The following IGF1R variants were observed in gnomAD, a reference collection of about 807,000 sequenced individuals.
IGF1R encodes insulin like growth factor 1 receptor, also known as insulin-like growth factor 1 receptor.
IGF1R carries 44 observed loss-of-function variants against 144.6 expected under a neutral mutation model. The observed-to-expected ratio is 0.30, with a 90% confidence interval of 0.24 to 0.39. The LOEUF (loss-of-function observed/expected upper bound fraction) is 0.39, where lower values mean the gene tolerates loss of function less well. Among genes scored for constraint, IGF1R ranks in the 10% least tolerant of loss-of-function variants. IGF1R has a pLI of 1.00. For synonymous variants in IGF1R, 795 were observed against 722.8 expected (o/e 1.10, Z -1.60); for missense variants, 1,355 against 1,833.7 (o/e 0.74, Z 4.77).
chr15:98,871,875 T>C lies in IGF1R; in HGVS notation c.641-19450T>C, dbSNP rs148744261. Among the ~76,000 whole-genome samples the C allele has an allele frequency of 1.6e-4, 24 of 152,326 alleles. No individual in the cohort carries two copies. The East Asian group carries it at 4.6e-3, about 29-fold the overall frequency. Reference sequence around the variant, plus strand: ...GCCAAACCATATCACTGTGTAAAAGTTGAATAAAGTTATTTAGGAGCACAT... The same window carrying C: ...GCCAAACCATATCACTGTGTAAAAGCTGAATAAAGTTATTTAGGAGCACAT... On this transcript the variant is annotated intron_variant, in intron 2 of 20. Coordinates refer to ENST00000650285, the MANE Select transcript of IGF1R (RefSeq NM_000875.5).
At chr15:98,678,415 A>G (rs1176395178) in intron 1 of IGF1R, among the ~76,000 whole-genome samples, 1 of 151,876 alleles carries the variant, frequency 6.6e-6, no homozygotes, top group Non-Finnish European at 1.5e-5. Flanking sequence ...CCTTCTCTGT[A>G]ACAGTTTTTA....
At position 98,957,709 on chromosome 15, in the gene IGF1R, G is replaced by A. The variant is rs534281286; in HGVS notation, c.*267G>A. 3.3e-5 allele frequency: 18 copies of A among 547,670 alleles called. No individual in the cohort carries two copies. Among genetic ancestry groups the A allele is most frequent in the Non-Finnish European group, 5.6e-5 (17 of 305,518 alleles). 33.9% of individuals were successfully genotyped at this position (547,670 alleles called of 1,614,324 possible). ...AGAACCTTAATGACAACACTTAATA[G>A]CAACAGAGCACTTGAGAACCAGTCT... On this transcript the variant is annotated 3_prime_UTR_variant, in exon 21 of 21. Coordinates refer to ENST00000650285, the MANE Select transcript of IGF1R (RefSeq NM_000875.5).
intron 2 of IGF1R, among the ~76,000 whole-genome samples, chr15:98,766,783 T>C (rs1420833500): frequency 6.6e-6 from 1 of 152,248 alleles, no homozygotes; most frequent in Non-Finnish European, 1.5e-5. Context: ...TCAACTGTTT[T>C]GTCATGATCA....
chr15:98,937,786 T>C (rs920411988), intron 17 of IGF1R, among the ~76,000 whole-genome samples: 1 of 152,236 alleles, frequency 6.6e-6, no homozygotes, highest in African/African-American at 2.4e-5. Flanking sequence ...CAATTATAAA[T>C]GACCACTTCA....
At position 98,704,009 on chromosome 15, in the gene IGF1R, G is replaced by A. The variant is rs937537888; in HGVS notation, c.95-3553G>A. Among the ~76,000 whole-genome samples, 2 of 151,994 alleles carry A rather than the reference G, an allele frequency of 1.3e-5. No homozygotes were observed. The highest frequency in any genetic ancestry group is 2.1e-4 in the South Asian group (1 of 4,812). On this transcript the variant is annotated intron_variant, in intron 1 of 20. Coordinates refer to ENST00000650285, the MANE Select transcript of IGF1R (RefSeq NM_000875.5). This position sits in a 1 kb window ranked among gnomAD's most constrained non-coding sequence, Gnocchi z 4.9. ...AATTCCACACCTGACCTCATGTGAC[G>A]GGTCACTTTTCGAAACTCAGGCACA...
chr15:98,811,423 G>A (rs1009762741), intron 2 of IGF1R, among the ~76,000 whole-genome samples: 8 of 150,688 alleles, frequency 5.3e-5, no homozygotes, highest in South Asian at 2.1e-4. Flanking sequence ...CCAGCTGCTC[G>A]GGAGGCTGAG....
Position 98,942,515 on chromosome 15 carries a change from T to G in IGF1R, c.3458-408T>G, listed in dbSNP as rs181283214. On this transcript the variant is annotated intron_variant, in intron 18 of 20. Coordinates refer to ENST00000650285, the MANE Select transcript of IGF1R (RefSeq NM_000875.5). ...CTCACAACTGACTAATTTTTAAAAT[T>G]TTTTATACAGACAGGGTCTTGCTGT... Among the ~76,000 whole-genome samples the G allele has an allele frequency of 2.0e-5, 3 of 152,188 alleles. No homozygotes were observed. The East Asian group carries it at 5.8e-4, about 29-fold the overall frequency.
chr15:98,930,932 C>A (rs2015915502), intron 15 of IGF1R, among the ~76,000 whole-genome samples: 1 of 152,132 alleles, frequency 6.6e-6, no homozygotes, highest in Admixed American at 6.5e-5. Flanking sequence ...TATATCCAGA[C>A]CTTTTGAGTG....
intron 2 of IGF1R, among the ~76,000 whole-genome samples, chr15:98,745,855 T>C (rs1165442944): frequency 6.6e-6 from 1 of 152,260 alleles, no homozygotes; most frequent in Non-Finnish European, 1.5e-5. Flanking sequence ...ATTGGCGTTA[T>C]AAATGCGTGT....
At chr15:98,865,899 A>T (rs2012413949) in intron 2 of IGF1R, among the ~76,000 whole-genome samples, 1 of 152,000 alleles carries the variant, frequency 6.6e-6, no homozygotes, top group Non-Finnish European at 1.5e-5. Context: ...TTGATGGAAA[A>T]TCTGCGGTCC....
intron 2 of IGF1R, among the ~76,000 whole-genome samples, chr15:98,840,055 T>C (rs2011147335): frequency 6.6e-6 from 1 of 152,262 alleles, no homozygotes. Context: ...GACACTGCCC[T>C]TGTGATTAAT....
At chr15:98,794,161 G>A (rs141360133) in intron 2 of IGF1R, among the ~76,000 whole-genome samples, 21 of 152,270 alleles carry the variant, frequency 1.4e-4, no homozygotes, top group African/African-American at 4.8e-4. Flanking sequence ...ACAAGATGTC[G>A]CACATTGAGT....
chr15:98,745,634 A>C (rs571915898), intron 2 of IGF1R, among the ~76,000 whole-genome samples: 8 of 152,364 alleles, frequency 5.3e-5, no homozygotes, highest in African/African-American at 1.9e-4. Context: ...GAGGAATTGA[A>C]GATTTCTTTA....
Position 98,935,752 on chromosome 15 carries a change from G to A in IGF1R, c.3297+326G>A, listed in dbSNP as rs564519810. Among the ~76,000 whole-genome samples the A allele has an allele frequency of 4.0e-5, 6 of 148,228 alleles. No homozygotes were observed. Among genetic ancestry groups the A allele is most frequent in the African/African-American group, 1.2e-4 (5 of 40,112 alleles). ...GCCAGGCCAGCGCCACTCCCTCCCC[G>A]AAGCTTTCCTGCCCCACTCCAGTAG... On this transcript the variant is annotated intron_variant, in intron 17 of 20. Transcript: ENST00000650285. The surrounding 1 kb of genome is among the most constrained non-coding windows in gnomAD (Gnocchi z 4.2).
intron 1 of IGF1R, among the ~76,000 whole-genome samples, chr15:98,676,243 CA>C (rs1274858726): frequency 6.6e-6 from 1 of 151,992 alleles, no homozygotes; most frequent in Admixed American, 6.5e-5. Flanking sequence ...CGGGTTCAAG[CA>C]ATTCTGCCTC....
intron 11 of IGF1R, 83 bp from the exon 12 acceptor site, chr15:98,923,793 G>A: frequency 9.2e-7 from 1 of 1,081,986 alleles, no homozygotes; most frequent in Non-Finnish European, 1.4e-6. Context: ...TGTGGATGGG[G>A]GGGTTATTCT....
intron 1 of IGF1R, among the ~76,000 whole-genome samples, chr15:98,691,159 T>C (rs2053465631): frequency 6.6e-6 from 1 of 152,094 alleles, no homozygotes; most frequent in Non-Finnish European, 1.5e-5. Context: ...ATTTTACCAG[T>C]TTTGCCCAAT....
chr15:98,655,653 A>T (rs2052468068), intron 1 of IGF1R, among the ~76,000 whole-genome samples: 2 of 152,110 alleles, frequency 1.3e-5, no homozygotes, highest in Non-Finnish European at 2.9e-5. Context: ...TTAAAAAAAA[A>T]AATAAAACGA....
rs1391017437 is a variant in IGF1R, at chr15:98,963,819, A to G, written c.*6377A>G. On this transcript the variant is annotated 3_prime_UTR_variant, in exon 21 of 21. Coordinates refer to ENST00000650285, the MANE Select transcript of IGF1R (RefSeq NM_000875.5). ...AAAAGAATTTTTAATAAAAACTATA[A>G]CATACACAAAAATTGGTTTTAAAGT... The G allele has an allele frequency of 4.3e-6, 1 of 233,000 alleles. No homozygotes were observed. Among genetic ancestry groups the G allele is most frequent in the South Asian group, 1.8e-4 (1 of 5,524 alleles). 14.4% of individuals were successfully genotyped at this position (233,000 alleles called of 1,614,324 possible).
Sources: gnomAD v4.1 joint callset for allele counts (sites outside exome capture counted in the v4.1 genomes callset) on GRCh38, gnomAD v4.1.1 for gene constraint, Gnocchi (gnomAD v3.1) non-coding constraint, MANE v1.5 for transcripts, NCBI Gene and HGNC (gene_info 2026-07-23, HGNC 2026-07-21) for gene names.